The following OGA variants were observed in gnomAD, a reference collection of about 807,000 sequenced individuals.
OGA encodes the protein O-GlcNAcase.
Under a neutral mutation model 102.0 loss-of-function variants are expected in OGA, and 21 were observed. The ratio of observed to expected loss-of-function variants is 0.21; its 90% CI spans 0.15 to 0.30. The LOEUF (loss-of-function observed/expected upper bound fraction) is 0.30, where lower values mean the gene tolerates loss of function less well. OGA is among the 10% of genes least tolerant of loss of function. The probability of loss-of-function intolerance (pLI) is 1.00; values close to 1 mark genes in which losing one functional copy is unlikely to be tolerated. For synonymous variants in OGA, 408 were observed against 378.2 expected (o/e 1.08, Z -0.91); for missense variants, 765 against 1,107.8 (o/e 0.69, Z 4.39).
At chr10:101,786,658 A>G (rs566245446) in intron 15 of OGA, 71 bp from the exon 16 acceptor site, 47 of 1,242,242 alleles carry the variant, frequency 3.8e-5, no homozygotes, top group Non-Finnish European at 4.7e-5. Flanking sequence ...ATAAAACTAT[A>G]ATCTTCGAGA....
intron 3 of OGA, among the ~76,000 whole-genome samples, chr10:101,812,636 ATAT>A (rs1485387028): frequency 6.6e-6 from 1 of 152,222 alleles, no homozygotes; most frequent in African/African-American, 2.4e-5. Flanking sequence ...ATTGCATAAA[ATAT>A]TATTTATGTT....
chr10:101,817,913 G>C lies in OGA; in HGVS notation c.110C>G (p.Pro37Arg). Residue 37 changes from proline to arginine, a missense_variant, in exon 1 of 16, where the codon CCC becomes CGC. Physicochemically the swap from Pro to Arg is moderately radical, Grantham distance 103 (BLOSUM62 -2). Transcript: ENST00000361464. Reference protein sequence around the residue: ...ASLEPPAAPAPGEDNPAGAGG... With the variant: ...ASLEPPAAPARGEDNPAGAGG... The stretch of plus-strand genomic sequence containing the variant: ...AGCCCCGGCGGGGTTGTCTTCTCCG[G>C]GTGCCGGAGCTGCCGGCGGCTCCAG... 6.4e-7 allele frequency: 1 copy of C among 1,573,342 alleles called. No individual in the cohort carries two copies. The highest frequency in any genetic ancestry group is 8.6e-7 in the Non-Finnish European group (1 of 1,162,224).
chr10:101,814,838 T>G (rs1422883496), intron 1 of OGA, among the ~76,000 whole-genome samples: 5 of 152,232 alleles, frequency 3.3e-5, no homozygotes, highest in Admixed American at 1.3e-4. Flanking sequence ...ACACTAGTTA[T>G]GCACACACTG....
chr10:101,786,469 T>A lies in OGA; in HGVS notation c.2733A>T (p.Ile911=), dbSNP rs769522659. The change falls in exon 16 of 16, where the codon ATA becomes ATT. Residue 911 remains isoleucine (I), a synonymous_variant. Transcript: ENST00000361464. ...ACAAATGTCACAGGCTCCGACCAAG[T>A]ATAACCACATCCTTTGGAAATCCTT... ...KMEGFPKDVV[I]LGRSL is the part of the protein sequence containing the mutation. The A allele has an allele frequency of 1.3e-5, 21 of 1,609,782 alleles. No homozygotes were observed. The South Asian group carries it at 2.3e-4, about 18-fold the overall frequency.
At chr10:101,804,219 G>A (rs1332073883) in intron 6 of OGA, among the ~76,000 whole-genome samples, 200 bp from the exon 7 acceptor site, 1 of 150,722 alleles carries the variant, frequency 6.6e-6, no homozygotes, top group Non-Finnish European at 1.5e-5. Flanking sequence ...AAAGAATCAT[G>A]GTTCTTTAAA....
chr10:101,800,750 G>C (rs536961590), intron 7 of OGA, among the ~76,000 whole-genome samples: 23 of 150,582 alleles, frequency 1.5e-4, no homozygotes, highest in African/African-American at 5.3e-4. Flanking sequence ...ACATTGCATA[G>C]CCTTCAGGGC....
At chr10:101,791,975 C>G (rs976266538) in intron 12 of OGA, among the ~76,000 whole-genome samples, 3 of 151,906 alleles carry the variant, frequency 2.0e-5, no homozygotes, top group African/African-American at 7.2e-5. Flanking sequence ...TACAGGCACC[C>G]GCCACCACGC....
rs371903414 is a variant in OGA at position 101,806,199 on chromosome 10, CTT to C, written c.653-58_653-57del. On this transcript the variant is annotated intron_variant, in intron 5 of 15. Transcript: ENST00000361464. ...GAATTAAAATGCTCATGGGTTTTCT[CTT>C]TGTTTGTTTGTTTTCTTTGAGACGG... 518 of 1,135,104 alleles carry C rather than the reference CTT, an allele frequency of 4.6e-4. 3 individuals are homozygous for C. Among genetic ancestry groups the C allele is most frequent in the African/African-American group, 2.0e-3 (131 of 64,456 alleles). The allele number at this position is 1,135,104 out of a possible 1,614,324, so 70.3% of individuals were successfully genotyped here.
At chr10:101,786,724 TA>T (rs2065193419) in intron 15 of OGA, 137 bp from the exon 16 acceptor site, 3 of 749,164 alleles carry the variant, frequency 4.0e-6, no homozygotes, top group East Asian at 6.5e-5. Flanking sequence ...TTCACACAAT[TA>T]AAAAAATTCA....
At chr10:101,817,273 G>A (rs193246868) in intron 1 of OGA, among the ~76,000 whole-genome samples, 1 of 152,316 alleles carries the variant, frequency 6.6e-6, no homozygotes, top group East Asian at 1.9e-4. Flanking sequence ...GCAAAGTACA[G>A]TAGCTGGGAA....
At chr10:101,791,231 G>T in intron 13 of OGA, 123 bp downstream of exon 13, 1 of 1,225,504 alleles carries the variant, frequency 8.2e-7, no homozygotes, top group Non-Finnish European at 1.1e-6. Flanking sequence ...CACATATTCA[G>T]ATTTTACTAA....
chr10:101,798,767 T>C, intron 9 of OGA, 75 bp downstream of exon 9: 1 of 1,502,284 alleles, frequency 6.7e-7, no homozygotes, highest in South Asian at 1.3e-5. Context: ...AGTGTACTCA[T>C]TTAAGAACCT....
chr10:101,814,520 C>T (rs963470867), intron 1 of OGA, among the ~76,000 whole-genome samples: 1 of 152,090 alleles, frequency 6.6e-6, no homozygotes, highest in African/African-American at 2.4e-5. Context: ...ATCCAGGAGG[C>T]GGAGGCTGCG....
At position 101,807,521 on chromosome 10, in the gene OGA, T is replaced by C. The variant is rs920982852; in HGVS notation, c.652+209A>G. On this transcript the variant is annotated intron_variant, in intron 5 of 15. Coordinates refer to ENST00000361464, the MANE Select transcript of OGA (RefSeq NM_012215.5). ...TTCATATACTTCCAGTACTTAAAAA[T>C]ACATAAAAATCTTTTGCCTAGTCAG... Among the ~76,000 whole-genome samples, 6 of 152,204 alleles carry C rather than the reference T, an allele frequency of 3.9e-5. No homozygotes were observed. In the South Asian group the frequency reaches 1.2e-3, roughly 31 times the overall value.
intron 10 of OGA, chr10:101,795,815 T>C (rs925977377): frequency 1.3e-6 from 1 of 762,288 alleles, no homozygotes; most frequent in Non-Finnish European, 1.6e-6. Flanking sequence ...TTAAAAAAAA[T>C]AAAAAATAAA....
At position 101,785,049 on chromosome 10, in the gene OGA, TAA is replaced by T. The variant is rs1478572074; in HGVS notation, c.*1400_*1401del. Reference sequence around the variant, plus strand: ...TGGTGGAGTTCTGTGAAAGAAAACTTAAGTTTCTTTCTCTTTACCCCTCTCCC... The same window carrying T: ...TGGTGGAGTTCTGTGAAAGAAAACTTGTTTCTTTCTCTTTACCCCTCTCCC... On this transcript the variant is annotated 3_prime_UTR_variant, in exon 16 of 16. Coordinates refer to ENST00000361464, the MANE Select transcript of OGA (RefSeq NM_012215.5). 2 of 152,220 alleles carry T rather than the reference TAA, an allele frequency of 1.3e-5. No homozygotes were observed. The highest frequency in any genetic ancestry group is 4.8e-5 in the African/African-American group (2 of 41,438). 9.4% of individuals were successfully genotyped at this position (152,220 alleles called of 1,614,324 possible).
chr10:101,789,262 G>C (rs1352799018), intron 14 of OGA, among the ~76,000 whole-genome samples: 1 of 152,214 alleles, frequency 6.6e-6, no homozygotes, highest in African/African-American at 2.4e-5. Context: ...ACTTTGGGAG[G>C]CTGAGGAGGG....
Position 101,797,896 on chromosome 10 carries a change from C to T in OGA, c.1984+84G>A, listed in dbSNP as rs750573550. 6 of 1,372,452 alleles carry T rather than the reference C, an allele frequency of 4.4e-6. No homozygotes were observed. In the African/African-American group the frequency reaches 8.7e-5, roughly 20 times the overall value. 85.0% of individuals were successfully genotyped at this position (1,372,452 alleles called of 1,614,324 possible). On this transcript the variant is annotated intron_variant, in intron 10 of 15. Coordinates refer to ENST00000361464, the MANE Select transcript of OGA (RefSeq NM_012215.5). ...AAGAGACTTGGAAATGTGCCAATTCCCTAAATGTTTTTCTCCCTGTGGGAT... is the reference window on the plus strand; with the variant it reads ...AAGAGACTTGGAAATGTGCCAATTCTCTAAATGTTTTTCTCCCTGTGGGAT...
At chr10:101,804,056 G>C in intron 6 of OGA, 37 bp from the exon 7 acceptor site, 4 of 1,573,360 alleles carry the variant, frequency 2.5e-6, no homozygotes, top group Non-Finnish European at 3.5e-6. Context: ...AAAGAATCAT[G>C]GTTCTTGGCT....
Sources: gnomAD v4.1 joint callset for allele counts (sites outside exome capture counted in the v4.1 genomes callset) on GRCh38, gnomAD v4.1.1 for gene constraint, MANE v1.5 for transcripts, NCBI Gene and HGNC (gene_info 2026-07-23, HGNC 2026-07-21) for gene names.